SAMD9: variants seen among roughly 807,000 people sequenced by gnomAD.
SAMD9 encodes the protein sterile alpha motif domain-containing protein 9.
Under a neutral mutation model 1.5 loss-of-function variants are expected in SAMD9, and 3 were observed. That is an observed-to-expected ratio of 2.05 (90% CI 0.93 to 5.29). The LOEUF (loss-of-function observed/expected upper bound fraction) is 5.29. Ranked by LOEUF, SAMD9 falls within the 30% of genes most tolerant of loss-of-function variation. The pLI is 0.02. For missense variants in SAMD9, 1,597 were observed against 1,820.8 expected (o/e 0.88, Z 2.24); for synonymous variants, 635 against 631.9 (o/e 1.00, Z -0.07).
In SAMD9 at chr7:93,110,819, AC is replaced by A. The variant is rs1791729043; in HGVS notation, c.-9+3975del. On this transcript the variant is annotated intron_variant, in intron 2 of 2. Transcript: ENST00000379958. The stretch of plus-strand genomic sequence containing the variant: ...AGATTCATAAAGCAAGTCCTTAGAG[AC>A]CTACAAAGAGACTTAGACTCCCACA... 2.0e-5 allele frequency among the ~76,000 whole-genome samples: 3 copies of A among 152,288 alleles called. No homozygotes were observed. In the South Asian group the frequency reaches 6.2e-4, roughly 32 times the overall value.
rs576888814 is a variant in SAMD9 at position 93,111,893 on chromosome 7, G to T, written c.-9+2902C>A. 2.6e-5 allele frequency among the ~76,000 whole-genome samples: 4 copies of T among 152,262 alleles called. No individual in the cohort carries two copies. In the East Asian group the frequency reaches 7.7e-4, roughly 29 times the overall value. On this transcript the variant is annotated intron_variant, in intron 2 of 2. Coordinates refer to ENST00000379958, the MANE Select transcript of SAMD9 (RefSeq NM_017654.4). ...CTACCAGAGGTACAAAGAGGAGCTG[G>T]TACCATTCCTTCTGAAACTATTCCA...
At position 93,101,167 on chromosome 7, in the gene SAMD9, A is replaced by G. The variant is rs574145854; in HGVS notation, c.*161T>C. 6.9e-5 allele frequency: 47 copies of G among 679,054 alleles called. No individual in the cohort carries two copies. The highest frequency in any genetic ancestry group is 9.9e-5 in the Non-Finnish European group (38 of 383,980). 42.1% of individuals were successfully genotyped at this position (679,054 alleles called of 1,614,324 possible). On this transcript the variant is annotated 3_prime_UTR_variant, in exon 3 of 3. Transcript: ENST00000379958. Reference sequence around the variant, plus strand: ...CTTCCTTTTTCACTATTGTCTTTGTAGAACTCATAACATGTTTAAGAGGAA... The same window carrying G: ...CTTCCTTTTTCACTATTGTCTTTGTGGAACTCATAACATGTTTAAGAGGAA...
At position 93,105,644 on chromosome 7, in the gene SAMD9, C is replaced by G; in HGVS notation, c.454G>C (p.Glu152Gln). The stretch of plus-strand genomic sequence containing the variant: ...GTCAGGTCTATGGATGGTTGCCTTT[C>G]CTTTGTATAATCTATTTTATCTTCT... ...LIEDKIDYTKERQPSIDLTCV... is the reference protein window; with the variant it reads ...LIEDKIDYTKQRQPSIDLTCV... The change falls in exon 3 of 3, where the codon GAA becomes CAA. Residue 152 changes from glutamate to glutamine, a missense_variant. Glu to Gln is a conservative substitution (Grantham distance 29). Transcript: ENST00000379958. 6.2e-7 allele frequency: 1 copy of G among 1,614,070 alleles called. No individual in the cohort carries two copies. The highest frequency in any genetic ancestry group is 8.5e-7 in the Non-Finnish European group (1 of 1,179,986).
At position 93,105,795 on chromosome 7, in the gene SAMD9, C is replaced by G. The variant is rs774068259; in HGVS notation, c.303G>C (p.Val101=). The G allele has an allele frequency of 4.3e-6, 7 of 1,614,130 alleles. No homozygotes were observed. In the South Asian group the frequency reaches 7.7e-5, roughly 18 times the overall value. Residue 101 remains valine, a synonymous_variant, in exon 3 of 3, where the codon GTG becomes GTC. Coordinates refer to ENST00000379958, the MANE Select transcript of SAMD9 (RefSeq NM_017654.4). The part of the protein sequence containing the change: ...PSKNAPKDQT[V]SQKERRETSK... ...AAGTTTCTCTACGTTCCTTTTGAGACACAGTTTGGTCTTTAGGAGCATTTT... is the reference window on the plus strand; with the variant it reads ...AAGTTTCTCTACGTTCCTTTTGAGAGACAGTTTGGTCTTTAGGAGCATTTT...
intron 1 of SAMD9, among the ~76,000 whole-genome samples, chr7:93,115,912 A>T (rs1310800271): frequency 6.6e-6 from 1 of 152,178 alleles, no homozygotes; most frequent in East Asian, 1.9e-4. Context: ...CTAAAAACTG[A>T]CTACACCCTC....
In SAMD9 at chr7:93,105,694, G is replaced by A; in HGVS notation, c.404C>T (p.Ser135Phe). 1 of 1,614,028 alleles carries A rather than the reference G, an allele frequency of 6.2e-7. No homozygotes were observed. The highest frequency in any genetic ancestry group is 8.5e-7 in the Non-Finnish European group (1 of 1,180,000). ...PSAMSTTAKG[S>F]KSLKVELIED... ...TATGAGCTCAACTTTTAGTGACTTA[G>A]AACCTTTAGCAGTTGTACTCATTGC... is the stretch of plus-strand genomic sequence containing the variant. The change falls in exon 3 of 3, where the codon TCT becomes TTT. Residue 135 changes from serine to phenylalanine, a missense_variant. Ser to Phe is a radical substitution (Grantham distance 155, BLOSUM62 -2). Coordinates refer to ENST00000379958, the MANE Select transcript of SAMD9 (RefSeq NM_017654.4).
rs1468474186 is a variant in SAMD9, at chr7:93,105,742, T to C, written c.356A>G (p.Asn119Ser). The C allele has an allele frequency of 6.2e-7, 1 of 1,614,048 alleles. No homozygotes were observed. Among genetic ancestry groups the C allele is most frequent in the African/African-American group, 1.3e-5 (1 of 75,028 alleles). ...TSKQKQKGKE[N>S]PDMANPSAMS... Reference sequence around the variant, plus strand: ...TGCAGACGGATTAGCCATATCTGGGTTCTCTTTACCCTTTTGTTTTTGCTT... The same window carrying C: ...TGCAGACGGATTAGCCATATCTGGGCTCTCTTTACCCTTTTGTTTTTGCTT... Residue 119 changes from asparagine (N) to serine (S), a missense_variant, in exon 3 of 3, where the codon AAC becomes AGC. Transcript: ENST00000379958.
At chr7:93,117,090 G>C (rs754895966) in intron 1 of SAMD9, among the ~76,000 whole-genome samples, 11 of 152,248 alleles carry the variant, frequency 7.2e-5, no homozygotes, top group South Asian at 2.1e-4. Context: ...TAGTCTATCT[G>C]TCTGTCTGTC....
Position 93,103,527 on chromosome 7 carries a change from G to T in SAMD9, c.2571C>A (p.Leu857=). 6.2e-7 allele frequency: 1 copy of T among 1,613,718 alleles called. No homozygotes were observed. The change falls in exon 3 of 3, where the codon CTC becomes CTA. Residue 857 remains leucine, a synonymous_variant. Transcript: ENST00000379958. The part of the protein sequence containing the change: ...IPDSIAVIQQ[L]SPKEQRAFEL... Reference sequence around the variant, plus strand: ...CAAAAGCTCTCTGTTCTTTGGGAGAGAGTTGCTGTATTACGGCAATACTGT... The same window carrying T: ...CAAAAGCTCTCTGTTCTTTGGGAGATAGTTGCTGTATTACGGCAATACTGT...
Position 93,105,658 on chromosome 7 carries a change from A to G in SAMD9, c.440T>C (p.Ile147Thr), listed in dbSNP as rs747471054. The G allele has an allele frequency of 2.5e-6, 4 of 1,614,052 alleles. No homozygotes were observed. Among genetic ancestry groups the G allele is most frequent in the Non-Finnish European group, 3.4e-6 (4 of 1,180,002 alleles). ...TGGTTGCCTTTCCTTTGTATAATCT[A>G]TTTTATCTTCTATGAGCTCAACTTT... ...SLKVELIEDK[I>T]DYTKERQPSI... The change falls in exon 3 of 3, where the codon ATA becomes ACA. Residue 147 changes from isoleucine to threonine, a missense_variant. Ile to Thr is a moderately conservative substitution (Grantham distance 89). Around this residue, in one of 6 missense-constraint regions of SAMD9, gnomAD observed 498 missense variants for 457.4 expected, o/e 1.09. Transcript: ENST00000379958.
rs1791544097 is a variant in SAMD9, at chr7:93,102,239, T to G, written c.3859A>C (p.Asn1287His). 6.2e-7 allele frequency: 1 copy of G among 1,613,748 alleles called. No individual in the cohort carries two copies. The highest frequency in any genetic ancestry group is 8.5e-7 in the Non-Finnish European group (1 of 1,179,716). ...LLKPRNNIKQ[N>H]EEAKTRRKVA... ...TTTCTCCGAGTTTTGGCCTCTTCAT[T>G]TTGCTTAATATTGTTCCTGGGTTTT... is the stretch of plus-strand genomic sequence containing the variant. Residue 1287 changes from asparagine to histidine, a missense_variant, in exon 3 of 3, where the codon AAT becomes CAT. Asn to His is a moderately conservative substitution (Grantham distance 68). Coordinates refer to ENST00000379958, the MANE Select transcript of SAMD9 (RefSeq NM_017654.4).
chr7:93,115,175 A>G (rs1421149136), intron 1 of SAMD9, among the ~76,000 whole-genome samples: 1 of 152,250 alleles, frequency 6.6e-6, no homozygotes, highest in Non-Finnish European at 1.5e-5. Flanking sequence ...GTAAAATTAC[A>G]ACAAGATAAT....
At position 93,103,058 on chromosome 7, in the gene SAMD9, CAGTT is replaced by C. The variant is rs1469780238; in HGVS notation, c.3036_3039del (p.Thr1013ArgfsTer90). On this transcript the variant is annotated frameshift_variant, in exon 3 of 3. Transcript: ENST00000379958. LOFTEE classifies it low-confidence loss of function (END_TRUNC). ...ATACCAGTATCGAAGAACAAATTCT[CAGTT>C]AGCATATCCAACATAATTTGACTTT... 9 of 1,613,724 alleles carry C rather than the reference CAGTT, an allele frequency of 5.6e-6. No homozygotes were observed. The highest frequency in any genetic ancestry group is 7.6e-6 in the Non-Finnish European group (9 of 1,179,788).
chr7:93,117,054 G>A (rs74411738), intron 1 of SAMD9, among the ~76,000 whole-genome samples: 3,470 of 152,246 alleles, frequency 0.023, 75 homozygotes, highest in African/African-American at 0.056. Context: ...ACATAAAGCT[G>A]CCTTAATTCC....
intron 2 of SAMD9, among the ~76,000 whole-genome samples, chr7:93,109,059 C>T (rs1054309498): frequency 2.0e-5 from 3 of 152,082 alleles, no homozygotes; most frequent in Non-Finnish European, 4.4e-5. Context: ...CAGTAGGGGC[C>T]GACCGACACC....
chr7:93,103,563 T>C lies in SAMD9; in HGVS notation c.2535A>G (p.Ala845=). The change falls in exon 3 of 3, where the codon GCA becomes GCG. Residue 845 remains alanine (A), a synonymous_variant. Coordinates refer to ENST00000379958, the MANE Select transcript of SAMD9 (RefSeq NM_017654.4). ...TTACGGCAATACTGTCTGGGATCCT[T>C]GCACTTTTTTCAGGATTTTGTGATC... is the stretch of plus-strand genomic sequence containing the variant. ...CMRSQNPEKS[A]RIPDSIAVIQ... The C allele has an allele frequency of 6.2e-7, 1 of 1,613,354 alleles. No homozygotes were observed. Among genetic ancestry groups the C allele is most frequent in the Admixed American group, 1.7e-5 (1 of 59,940 alleles).
chr7:93,108,821 G>T (rs1791691249), intron 2 of SAMD9, among the ~76,000 whole-genome samples: 2 of 152,174 alleles, frequency 1.3e-5, no homozygotes, highest in South Asian at 4.1e-4. Context: ...ACTGGGTGGA[G>T]CCCACAGCAG....
In SAMD9 at chr7:93,105,596, C is replaced by A; in HGVS notation, c.502G>T (p.Glu168Ter). The A allele has an allele frequency of 1.2e-6, 2 of 1,614,080 alleles. No individual in the cohort carries two copies. The highest frequency in any genetic ancestry group is 1.6e-4 in the Middle Eastern group (1 of 6,062). The change falls in exon 3 of 3, where the codon GAA (glutamate) becomes TAA (stop). Residue 168 changes from glutamate (E) to a stop codon, truncating the protein, a stop_gained. Coordinates refer to ENST00000379958, the MANE Select transcript of SAMD9 (RefSeq NM_017654.4). LOFTEE classifies it low-confidence loss of function (END_TRUNC). ...TTGTAACGATATGGATTACTGAATT[C>A]ATCAAATGGATATGATACACATGTC... ...DLTCVSYPFD[E>*]FSNPYRYKLD...
Position 93,106,054 on chromosome 7 carries a change from G to A in SAMD9, c.44C>T (p.Thr15Ile), listed in dbSNP as rs757777689. 13 of 1,592,158 alleles carry A rather than the reference G, an allele frequency of 8.2e-6. No homozygotes were observed. In the Admixed American group the frequency reaches 2.4e-4, roughly 29 times the overall value. Residue 15 changes from threonine (T) to isoleucine (I), a missense_variant, in exon 3 of 3, where the codon ACA (threonine) becomes ATA (isoleucine). Thr to Ile is a moderately conservative substitution (Grantham distance 89, BLOSUM62 -1). Transcript: ENST00000379958. ...LNLPENTDDW[T>I]KEDVNQWLES... Reference sequence around the variant, plus strand: ...TAACCACTGATTTACATCCTCTTTTGTCCAATCATCTGTATTTTCTGGAAG... The same window carrying A: ...TAACCACTGATTTACATCCTCTTTTATCCAATCATCTGTATTTTCTGGAAG...
Sources: allele counts gnomAD v4.1 joint callset (sites outside exome capture counted in the v4.1 genomes callset), GRCh38; gene constraint gnomAD v4.1.1; regional missense constraint gnomAD v4.1.1; transcripts MANE v1.5; gene names NCBI Gene and HGNC (gene_info 2026-07-23, HGNC 2026-07-21).